GRID2: variants seen among roughly 807,000 people sequenced by gnomAD.
The protein encoded by GRID2 is glutamate ionotropic receptor delta type subunit 2.
A neutral mutation model predicts 114.8 loss-of-function variants in GRID2; 33 were observed. The ratio of observed to expected loss-of-function variants is 0.29; its 90% confidence interval spans 0.22 to 0.38. The LOEUF is 0.38. Among genes scored for constraint, GRID2 ranks in the 10% least tolerant of loss-of-function variants. The pLI, the probability that GRID2 is intolerant of heterozygous loss-of-function variation, is 1.00. For missense variants in GRID2, 1,184 were observed against 1,257.7 expected (o/e 0.94, Z 0.89); for synonymous variants, 505 against 449.9 (o/e 1.12, Z -1.55).
intron 13 of GRID2, among the ~76,000 whole-genome samples, chr4:93,523,290 G>A (rs1400999389): frequency 6.6e-6 from 1 of 151,948 alleles, no homozygotes; most frequent in Non-Finnish European, 1.5e-5. Context: ...GAGGTTATAG[G>A]TAAGGTGATT....
At chr4:92,503,799 T>G (rs1723811653) in intron 1 of GRID2, among the ~76,000 whole-genome samples, 2 of 152,150 alleles carry the variant, frequency 1.3e-5, no homozygotes, top group South Asian at 4.1e-4. Flanking sequence ...AAAGTTTTTC[T>G]ACTTAATAAA....
chr4:93,344,157 T>G (rs77488958), intron 8 of GRID2, among the ~76,000 whole-genome samples: 2 of 152,116 alleles, frequency 1.3e-5, no homozygotes, highest in South Asian at 2.1e-4. Context: ...AATAGGAAGG[T>G]TATATTCACC....
At chr4:92,321,625 C>T (rs1461768991) in intron 1 of GRID2, among the ~76,000 whole-genome samples, 4 of 152,148 alleles carry the variant, frequency 2.6e-5, no homozygotes, top group South Asian at 2.1e-4. Flanking sequence ...AAATTGAGTG[C>T]TCCAATGGGA....
chr4:93,594,774 C>A (rs1038037716), intron 13 of GRID2, among the ~76,000 whole-genome samples: 18 of 152,022 alleles, frequency 1.2e-4, no homozygotes, highest in African/African-American at 4.1e-4. Flanking sequence ...TTTTTAAGCC[C>A]GTCGGAAAAG....
intron 1 of GRID2, among the ~76,000 whole-genome samples, chr4:92,538,256 A>T (rs570029605): frequency 1.4e-4 from 21 of 152,298 alleles, no homozygotes; most frequent in South Asian, 1.0e-3. Context: ...AATAACCCTA[A>T]CAATTGTTCT....
intron 14 of GRID2, among the ~76,000 whole-genome samples, chr4:93,656,859 A>T (rs1162934455): frequency 1.0e-4 from 14 of 134,862 alleles, no homozygotes; most frequent in Non-Finnish European, 1.6e-4. Flanking sequence ...AAAAAAAAAC[A>T]AATAATTCCA....
chr4:92,349,301 T>C (rs1437427525), intron 1 of GRID2, among the ~76,000 whole-genome samples: 1 of 151,980 alleles, frequency 6.6e-6, no homozygotes, highest in Non-Finnish European at 1.5e-5. Flanking sequence ...TTTGTCTAAC[T>C]CTATACTATC....
intron 14 of GRID2, among the ~76,000 whole-genome samples, chr4:93,694,502 A>G (rs957475144): frequency 3.3e-5 from 5 of 152,024 alleles, no homozygotes; most frequent in Non-Finnish European, 7.4e-5. Context: ...TCAATCCTCT[A>G]CCACTGATGT....
At chr4:93,159,917 T>G (rs1737530476) in intron 4 of GRID2, among the ~76,000 whole-genome samples, 1 of 151,762 alleles carries the variant, frequency 6.6e-6, no homozygotes, top group South Asian at 2.1e-4. Flanking sequence ...AGCTATTTTA[T>G]TTTTGAAAAG....
chr4:93,551,246 T>C (rs796998762), intron 13 of GRID2, among the ~76,000 whole-genome samples: 54 of 152,316 alleles, frequency 3.5e-4, no homozygotes, highest in African/African-American at 1.2e-3. Context: ...AAATAAGTAC[T>C]GTTTAAAAAT....
At chr4:93,764,732 T>A (rs1346878603) in intron 14 of GRID2, among the ~76,000 whole-genome samples, 1 of 152,178 alleles carries the variant, frequency 6.6e-6, no homozygotes, top group Non-Finnish European at 1.5e-5. Context: ...GTTTAAGTAT[T>A]TACAGCCCCA....
chr4:92,417,089 T>A (rs953224086), intron 1 of GRID2, among the ~76,000 whole-genome samples: 8 of 152,100 alleles, frequency 5.3e-5, no homozygotes, highest in African/African-American at 1.9e-4. Flanking sequence ...TGTTTTCAAA[T>A]ATATGTAATT....
intron 8 of GRID2, among the ~76,000 whole-genome samples, chr4:93,315,753 C>T (rs952696919): frequency 6.6e-6 from 1 of 152,100 alleles, no homozygotes; most frequent in Non-Finnish European, 1.5e-5. Context: ...CTGAAATGCA[C>T]TAGTTACATA....
At chr4:93,351,434 G>A (rs529796059) in intron 8 of GRID2, among the ~76,000 whole-genome samples, 1 of 152,074 alleles carries the variant, frequency 6.6e-6, no homozygotes, top group African/African-American at 2.4e-5. Context: ...GACTGATCAA[G>A]GTTATTGACA....
chr4:93,654,802 AAGTG>A (rs1369809355), intron 14 of GRID2, among the ~76,000 whole-genome samples: 5 of 152,162 alleles, frequency 3.3e-5, no homozygotes, highest in African/African-American at 1.2e-4. Context: ...GTCAGTGAGT[AAGTG>A]AGTATCACAT....
At chr4:93,188,221 G>A (rs1257487218) in intron 4 of GRID2, among the ~76,000 whole-genome samples, 1 of 152,158 alleles carries the variant, frequency 6.6e-6, no homozygotes, top group East Asian at 1.9e-4. Flanking sequence ...CAGACTCTCT[G>A]GAGCTTCATT....
chr4:92,621,771 T>A (rs554418360), intron 2 of GRID2, among the ~76,000 whole-genome samples: 6 of 151,448 alleles, frequency 4.0e-5, no homozygotes, highest in African/African-American at 1.5e-4. Flanking sequence ...CAGTAAGGAG[T>A]GAGTGGATGG....
chr4:93,566,714 G>A (rs1735458184), intron 13 of GRID2, among the ~76,000 whole-genome samples: 1 of 151,992 alleles, frequency 6.6e-6, no homozygotes, highest in African/African-American at 2.4e-5. Context: ...GGGTTGCAGT[G>A]AGCCAAGCTT....
intron 11 of GRID2, among the ~76,000 whole-genome samples, chr4:93,466,216 A>G (rs1023371652): frequency 6.6e-6 from 1 of 152,198 alleles, no homozygotes; most frequent in South Asian, 2.1e-4. Context: ...CTGAAACCAT[A>G]TGGGCTTTTT....
Sources: allele counts gnomAD v4.1 joint callset (sites outside exome capture counted in the v4.1 genomes callset), GRCh38; gene constraint gnomAD v4.1.1; transcripts MANE v1.5; gene names NCBI Gene and HGNC (gene_info 2026-07-23, HGNC 2026-07-21).